CDKAL1: variants seen among roughly 807,000 people sequenced by gnomAD.
CDKAL1 encodes the protein CDKAL1 threonylcarbamoyladenosine tRNA methylthiotransferase, also known as threonylcarbamoyladenosine tRNA methylthiotransferase.
Under a neutral mutation model 68.2 loss-of-function variants are expected in CDKAL1, and 32 were observed. The observed-to-expected ratio is 0.47, with a 90% CI of 0.35 to 0.63. The LOEUF (loss-of-function observed/expected upper bound fraction) is 0.63, where lower values mean the gene tolerates loss of function less well. Ranked by LOEUF, CDKAL1 falls within the 30% of genes least tolerant of loss-of-function variation. The pLI is 0.00. For synonymous variants in CDKAL1, 234 were observed against 244.3 expected, an observed-to-expected ratio of 0.96 and a Z score of 0.39; for missense variants, 606 against 696.7, an observed-to-expected ratio of 0.87 and a Z score of 1.47.
At chr6:20,602,139 T>G (rs1343751746) in intron 4 of CDKAL1, among the ~76,000 whole-genome samples, 1 of 152,186 alleles carries the variant, frequency 6.6e-6, no homozygotes, top group East Asian at 1.9e-4. Context: ...AATACTATTT[T>G]GTAGATGCAA....
chr6:21,069,337 C>CTG (rs1018145319), intron 12 of CDKAL1, among the ~76,000 whole-genome samples: 1 of 151,984 alleles, frequency 6.6e-6, no homozygotes, highest in Non-Finnish European at 1.5e-5. Flanking sequence ...TTCCCTGTGT[C>CTG]TGTGTGTGTG....
intron 12 of CDKAL1, among the ~76,000 whole-genome samples, chr6:21,093,680 AGCT>A (rs1215966527): frequency 1.4e-5 from 2 of 142,460 alleles, no homozygotes; most frequent in African/African-American, 2.6e-5. Context: ...TAACCAACTG[AGCT>A]GCTGCTGCTG....
At position 20,782,790 on chromosome 6, in the gene CDKAL1, CTGAA is replaced by C. The variant is rs200132002; in HGVS notation, c.638+1535_638+1538del. Among the ~76,000 whole-genome samples the C allele has an allele frequency of 4.2e-3, 644 of 152,188 alleles. 6 individuals are homozygous for C. The highest frequency in any genetic ancestry group is 0.013 in the African/African-American group (546 of 41,528). On this transcript the variant is annotated intron_variant, in intron 8 of 15. Coordinates refer to ENST00000274695, the MANE Select transcript of CDKAL1 (RefSeq NM_017774.3). Reference sequence around the variant, plus strand: ...GATTTAATGCATATTTATTTATTGACTGAATGAATGAATAAGTTTTAAAATTTGA... The same window carrying C: ...GATTTAATGCATATTTATTTATTGACTGAATGAATAAGTTTTAAAATTTGA...
At position 20,739,529 on chromosome 6, in the gene CDKAL1, G is replaced by A. The variant is rs374349042; in HGVS notation, c.382G>A (p.Glu128Lys). Reference protein sequence around the residue: ...HFRNSIKKAQEENKKIVLAGC... With the variant: ...HFRNSIKKAQKENKKIVLAGC... Reference sequence around the variant, plus strand: ...TCTTCAATCTTTTAGAAAAGCTCAAGAGGAGAACAAGAAAATCGTACTGGC... The same window carrying A: ...TCTTCAATCTTTTAGAAAAGCTCAAAAGGAGAACAAGAAAATCGTACTGGC... Residue 128 changes from glutamate (E) to lysine (K), a missense_variant, in exon 6 of 16, where the codon GAG becomes AAG. By Grantham distance (56) the Glu-to-Lys change is moderately conservative (BLOSUM62 1). Transcript: ENST00000274695. 70 of 1,609,580 alleles carry A rather than the reference G, an allele frequency of 4.3e-5. No homozygotes were observed. The highest frequency in any genetic ancestry group is 5.7e-5 in the Non-Finnish European group (67 of 1,176,722).
chr6:20,750,951 G>GAAAAAAAAAAAAAA (rs59244637), intron 6 of CDKAL1, among the ~76,000 whole-genome samples: 2 of 47,074 alleles, frequency 4.2e-5, no homozygotes, highest in Non-Finnish European at 6.8e-5. Flanking sequence ...GCAACAGAGT[G>GAAAAAAAAAAAAAA]AAAAAAAAAA....
At chr6:21,069,422 C>A (rs1771631557) in intron 12 of CDKAL1, among the ~76,000 whole-genome samples, 1 of 151,830 alleles carries the variant, frequency 6.6e-6, no homozygotes, top group Non-Finnish European at 1.5e-5. Context: ...GTTTTTTGTT[C>A]TAAGTCTCTG....
rs145507696 is a variant in CDKAL1 at position 20,765,084 on chromosome 6, T to A, written c.517+6441T>A. Reference sequence around the variant, plus strand: ...AGTTTATGAGTATAGTAAAGTTAACTTTACTATTTGATTACAGTTTGGTAA... The same window carrying A: ...AGTTTATGAGTATAGTAAAGTTAACATTACTATTTGATTACAGTTTGGTAA... On this transcript the variant is annotated intron_variant, in intron 7 of 15. Coordinates refer to ENST00000274695, the MANE Select transcript of CDKAL1 (RefSeq NM_017774.3). Among the ~76,000 whole-genome samples the A allele has an allele frequency of 4.6e-3, 707 of 152,282 alleles. 4 individuals carry two copies. Among genetic ancestry groups the A allele is most frequent in the African/African-American group, 0.016 (679 of 41,544 alleles).
chr6:20,922,609 T>C (rs75283727), intron 9 of CDKAL1, among the ~76,000 whole-genome samples: 88 of 152,340 alleles, frequency 5.8e-4, no homozygotes, highest in African/African-American at 2.1e-3. Flanking sequence ...CCCTATGCAT[T>C]GCAATCATTA....
At chr6:21,208,152 G>A (rs979736505) in intron 15 of CDKAL1, among the ~76,000 whole-genome samples, 2 of 152,086 alleles carry the variant, frequency 1.3e-5, no homozygotes, top group Non-Finnish European at 2.9e-5. Flanking sequence ...TTGATCCTGA[G>A]AATGGATTCA....
At chr6:21,122,064 C>T (rs1047718193) in intron 13 of CDKAL1, among the ~76,000 whole-genome samples, 5 of 152,096 alleles carry the variant, frequency 3.3e-5, no homozygotes, top group Admixed American at 1.3e-4. Context: ...CATTTAAAAA[C>T]CTTTATTAAT....
intron 5 of CDKAL1, among the ~76,000 whole-genome samples, chr6:20,733,959 G>A (rs1425881783): frequency 6.6e-6 from 1 of 151,940 alleles, no homozygotes; most frequent in Non-Finnish European, 1.5e-5. Context: ...GACCAGGCTG[G>A]CCAACATGGT....
In CDKAL1 at chr6:21,232,304, G is replaced by T. The variant is rs1239341019; in HGVS notation, c.*1265G>T. On this transcript the variant is annotated 3_prime_UTR_variant, in exon 16 of 16. Transcript: ENST00000274695. ...TTACAGGCGTGAGCCACTCCACCCA[G>T]CCCAGATTAAATGTTTTTATTTCTA... The T allele has an allele frequency of 1.3e-5, 2 of 152,180 alleles. No individual in the cohort carries two copies. Among genetic ancestry groups the T allele is most frequent in the African/African-American group, 4.8e-5 (2 of 41,436 alleles). The allele number at this position is 152,180 out of a possible 1,614,324, so 9.4% of individuals were successfully genotyped here.
At chr6:20,909,874 T>C (rs138418463) in intron 9 of CDKAL1, among the ~76,000 whole-genome samples, 194 of 152,292 alleles carry the variant, frequency 1.3e-3, no homozygotes, top group African/African-American at 4.2e-3. Context: ...ACTATGAGTT[T>C]AGCGGGTTTG....
intron 6 of CDKAL1, among the ~76,000 whole-genome samples, chr6:20,746,970 A>G (rs893659314): frequency 3.9e-5 from 6 of 152,190 alleles, no homozygotes; most frequent in African/African-American, 1.2e-4. Flanking sequence ...GCAACTTTGT[A>G]CCCTTTGATC....
intron 11 of CDKAL1, among the ~76,000 whole-genome samples, chr6:21,057,307 A>G (rs1455041044): frequency 6.6e-6 from 1 of 152,000 alleles, no homozygotes; most frequent in Admixed American, 6.5e-5. Flanking sequence ...GTTCATTTGC[A>G]TAGAGGTGTT....
In CDKAL1 at chr6:20,548,577, A is replaced by G. The variant is rs750389160; in HGVS notation, c.174-16A>G. ...CAATGAAACTTACTTTTTTTTTTTT[A>G]TTGATTCCTTAACAGCACTATTCCA... On this transcript the variant is annotated splice_polypyrimidine_tract_variant and intron_variant, in intron 3 of 15. Transcript: ENST00000274695. 2.1e-6 allele frequency: 2 copies of G among 962,986 alleles called. No homozygotes were observed. Among genetic ancestry groups the G allele is most frequent in the Middle Eastern group, 2.8e-4 (1 of 3,536 alleles). 59.7% of individuals were successfully genotyped at this position (962,986 alleles called of 1,614,324 possible).
intron 4 of CDKAL1, among the ~76,000 whole-genome samples, chr6:20,550,178 A>G (rs186134108): frequency 6.6e-6 from 1 of 151,960 alleles, no homozygotes; most frequent in East Asian, 1.9e-4. Flanking sequence ...GGGTTTCGCC[A>G]TGGTAGCCAG....
chr6:20,941,772 G>A (rs559838172), intron 9 of CDKAL1, among the ~76,000 whole-genome samples: 1 of 152,212 alleles, frequency 6.6e-6, no homozygotes, highest in East Asian at 1.9e-4. Flanking sequence ...GGCACTTTGG[G>A]GCAAAGAAAA....
Position 20,963,921 on chromosome 6 carries a change from T to C in CDKAL1, c.909+8336T>C, listed in dbSNP as rs577680763. Among the ~76,000 whole-genome samples the C allele has an allele frequency of 4.6e-5, 7 of 152,248 alleles. No homozygotes were observed. In the South Asian group the frequency reaches 1.2e-3, roughly 27 times the overall value. On this transcript the variant is annotated intron_variant, in intron 10 of 15. Coordinates refer to ENST00000274695, the MANE Select transcript of CDKAL1 (RefSeq NM_017774.3). ...TCCTGAAATGCTTTAATCCACATTG[T>C]GGTATAAACTTCTGAACTTCCCAAA...
Sources: allele counts gnomAD v4.1 joint callset (sites outside exome capture counted in the v4.1 genomes callset), GRCh38; gene constraint gnomAD v4.1.1; transcripts MANE v1.5; gene names NCBI Gene and HGNC (gene_info 2026-07-23, HGNC 2026-07-21).